The following UNC5C variants were observed in gnomAD, a reference collection of about 807,000 sequenced individuals.
UNC5C encodes unc-5 netrin receptor C, also known as netrin receptor UNC5C.
UNC5C carries 47 observed loss-of-function variants against 99.8 expected under a neutral mutation model. The ratio of observed to expected loss-of-function variants is 0.47; its 90% CI spans 0.37 to 0.60. The LOEUF is 0.60. Ranked by LOEUF, UNC5C falls within the 20% of genes least tolerant of loss-of-function variation. UNC5C has a pLI of 0.00. For synonymous variants in UNC5C, 487 were observed against 452.2 expected (o/e 1.08, Z -0.98); for missense variants, 1,062 against 1,165.9 (o/e 0.91, Z 1.30).
chr4:95,197,207 T>C (rs565271066), intron 12 of UNC5C, among the ~76,000 whole-genome samples: 3 of 150,142 alleles, frequency 2.0e-5, no homozygotes, highest in African/African-American at 7.3e-5. Context: ...TAAAAAGTGA[T>C]AATTCACATT....
chr4:95,524,470 C>A (rs1042564095), intron 1 of UNC5C, among the ~76,000 whole-genome samples: 2 of 152,180 alleles, frequency 1.3e-5, no homozygotes, highest in South Asian at 4.1e-4. Context: ...TATCCACCTG[C>A]ATGCATGTTC....
At chr4:95,477,654 A>C (rs1720975699) in intron 1 of UNC5C, among the ~76,000 whole-genome samples, 1 of 152,044 alleles carries the variant, frequency 6.6e-6, no homozygotes, top group Admixed American at 6.6e-5. Flanking sequence ...AGGGTTGCCT[A>C]GTAGACAACA....
chr4:95,202,555 A>G (rs954328658), intron 12 of UNC5C, among the ~76,000 whole-genome samples, 176 bp downstream of exon 12: 2 of 152,378 alleles, frequency 1.3e-5, no homozygotes, highest in African/African-American at 2.4e-5. Context: ...AACAGCTCAT[A>G]TATCAGCATG....
intron 4 of UNC5C, among the ~76,000 whole-genome samples, chr4:95,277,339 C>A (rs1015898229): frequency 2.6e-5 from 4 of 152,158 alleles, no homozygotes. Flanking sequence ...GGACCACCAC[C>A]AAACTGGCAG....
chr4:95,508,633 A>C (rs1721988031), intron 1 of UNC5C, among the ~76,000 whole-genome samples: 1 of 151,886 alleles, frequency 6.6e-6, no homozygotes, highest in African/African-American at 2.4e-5. Context: ...TTTTACTGTT[A>C]CTCATTTTTC....
chr4:95,424,109 G>T (rs1019576877), intron 1 of UNC5C, among the ~76,000 whole-genome samples: 2 of 151,950 alleles, frequency 1.3e-5, no homozygotes, highest in African/African-American at 2.4e-5. Context: ...AATTATAAAG[G>T]GTTCTATTTT....
chr4:95,206,718 T>G lies in UNC5C; in HGVS notation c.1812A>C (p.Pro604=), dbSNP rs2276322. The part of the protein sequence containing the change: ...CGPPGALLTR[P]VVLTMHHCAD... ...CGCAGTGATGCATAGTGAGGACGAC[T>G]GGGCGGGTGAGCAGAGCTCCTGGGG... Residue 604 remains proline, a synonymous_variant, in exon 11 of 16, where the codon CCA becomes CCC. Coordinates refer to ENST00000453304, the MANE Select transcript of UNC5C (RefSeq NM_003728.4). 0.64 allele frequency: 1,032,432 copies of G among 1,613,604 alleles called. 336,629 individuals are homozygous for G. The highest frequency in any genetic ancestry group is 0.74 in the Middle Eastern group (4,459 of 6,058).
intron 12 of UNC5C, among the ~76,000 whole-genome samples, chr4:95,201,698 A>G (rs569180869): frequency 9.7e-4 from 147 of 150,922 alleles, no homozygotes; most frequent in African/African-American, 3.2e-3. Flanking sequence ...CTGCCTCCCC[A>G]GTTCACGCCA....
intron 12 of UNC5C, 123 bp downstream of exon 12, chr4:95,202,608 G>A: frequency 1.1e-6 from 1 of 922,168 alleles, no homozygotes; most frequent in East Asian, 2.6e-5. Flanking sequence ...ATCCTTTTGG[G>A]CCAAACACGT....
intron 1 of UNC5C, among the ~76,000 whole-genome samples, chr4:95,465,347 G>A (rs1212357135): frequency 1.3e-5 from 2 of 152,114 alleles, no homozygotes; most frequent in Non-Finnish European, 2.9e-5. Context: ...CAAAACCATC[G>A]TGTTGACATA....
intron 2 of UNC5C, among the ~76,000 whole-genome samples, chr4:95,322,899 C>T (rs934646578): frequency 6.7e-6 from 1 of 149,312 alleles, no homozygotes; most frequent in African/African-American, 2.5e-5. Flanking sequence ...GATCATGCCA[C>T]TGCACTTCAG....
At chr4:95,343,090 A>G (rs149407153) in intron 1 of UNC5C, among the ~76,000 whole-genome samples, 3 of 152,206 alleles carry the variant, frequency 2.0e-5, no homozygotes, top group Non-Finnish European at 4.4e-5. Flanking sequence ...GCTGGGGGCA[A>G]CTTGCTTCTC....
rs529139090 is a variant in UNC5C, at chr4:95,360,450, G to A, written c.125-24819C>T. On this transcript the variant is annotated intron_variant, in intron 1 of 15. Coordinates refer to ENST00000453304, the MANE Select transcript of UNC5C (RefSeq NM_003728.4). ...AACTGCTCCACAGAGTAAGAGATTA[G>A]CACTGTTAAAAGTATTGTGAAATAA... Among the ~76,000 whole-genome samples, 8 of 152,230 alleles carry A rather than the reference G, an allele frequency of 5.3e-5. No homozygotes were observed. The South Asian group carries it at 1.0e-3, about 20-fold the overall frequency.
chr4:95,162,914 G>A lies in UNC5C; in HGVS notation c.*6320C>T, dbSNP rs1316155347. 2 of 152,208 alleles carry A rather than the reference G, an allele frequency of 1.3e-5. No homozygotes were observed. The highest frequency in any genetic ancestry group is 2.4e-5 in the African/African-American group (1 of 41,458). The allele number at this position is 152,208 out of a possible 1,614,324, so 9.4% of individuals were successfully genotyped here. ...TGAACTGTTCCAAAGGGGACAGTAG[G>A]TGGATGACACTGCCTCTTCAACACG... is the stretch of plus-strand genomic sequence containing the variant. On this transcript the variant is annotated 3_prime_UTR_variant, in exon 16 of 16. Transcript: ENST00000453304.
At chr4:95,476,616 G>A (rs138444666) in intron 1 of UNC5C, among the ~76,000 whole-genome samples, 8 of 151,994 alleles carry the variant, frequency 5.3e-5, no homozygotes, top group East Asian at 1.9e-4. Context: ...AATATTGTTC[G>A]TTCTGTTCTG....
At chr4:95,283,685 G>A (rs1741138642) in intron 3 of UNC5C, among the ~76,000 whole-genome samples, 1 of 152,208 alleles carries the variant, frequency 6.6e-6, no homozygotes, top group Non-Finnish European at 1.5e-5. Context: ...ATGTAAAACA[G>A]AATGGTTCAG....
intron 2 of UNC5C, among the ~76,000 whole-genome samples, chr4:95,312,581 A>C (rs904260637): frequency 3.3e-5 from 5 of 152,206 alleles, no homozygotes; most frequent in Non-Finnish European, 4.4e-5. Context: ...ACAGATCAGA[A>C]TCTAAACAAT....
At chr4:95,298,413 C>T (rs1454897705) in intron 3 of UNC5C, among the ~76,000 whole-genome samples, 1 of 152,150 alleles carries the variant, frequency 6.6e-6, no homozygotes, top group Admixed American at 6.5e-5. Flanking sequence ...CCAGGCCTTA[C>T]CTTTCTGGCT....
In UNC5C at chr4:95,404,862, G is replaced by A. The variant is rs1383517923; in HGVS notation, c.125-69231C>T. On this transcript the variant is annotated intron_variant, in intron 1 of 15. Coordinates refer to ENST00000453304, the MANE Select transcript of UNC5C (RefSeq NM_003728.4). Reference sequence around the variant, plus strand: ...CAGCAGATGGATGGTGGAACAACGTGGCAGAGAAAGGGAGAAAAGGAGGAA... The same window carrying A: ...CAGCAGATGGATGGTGGAACAACGTAGCAGAGAAAGGGAGAAAAGGAGGAA... Among the ~76,000 whole-genome samples the A allele has an allele frequency of 3.9e-5, 6 of 152,258 alleles. No individual in the cohort carries two copies. In the East Asian group the frequency reaches 1.2e-3, roughly 29 times the overall value.
Sources: gnomAD v4.1 joint callset for allele counts (sites outside exome capture counted in the v4.1 genomes callset) on GRCh38, gnomAD v4.1.1 for gene constraint, MANE v1.5 for transcripts, NCBI Gene and HGNC (gene_info 2026-07-23, HGNC 2026-07-21) for gene names.